Variants in DLGAP2 observed in about 807,000 individuals in gnomAD.
DLGAP2 encodes DLG associated protein 2, also known as disks large-associated protein 2.
DLGAP2 carries 26 observed loss-of-function variants against 100.3 expected under a neutral mutation model. The ratio of observed to expected loss-of-function variants is 0.26; its 90% CI spans 0.19 to 0.36. The LOEUF (loss-of-function observed/expected upper bound fraction) is 0.36, where lower values mean the gene tolerates loss of function less well. Ranked by LOEUF, DLGAP2 falls within the 10% of genes least tolerant of loss-of-function variation. The probability of loss-of-function intolerance (pLI) is 1.00; values close to 1 mark genes in which losing one functional copy is unlikely to be tolerated. For missense variants in DLGAP2, 1,858 were observed against 1,453.2 expected (o/e 1.28, Z -4.53); for synonymous variants, 886 against 630.1 (o/e 1.41, Z -6.08).
At chr8:1,058,964 T>G (rs1356116809) in intron 2 of DLGAP2, among the ~76,000 whole-genome samples, 1 of 152,176 alleles carries the variant, frequency 6.6e-6, no homozygotes, top group African/African-American at 2.4e-5. Context: ...CAGCAAACCT[T>G]TATTTAGCAT....
At chr8:1,313,774 T>C (rs1427174507) in intron 3 of DLGAP2, among the ~76,000 whole-genome samples, 1 of 152,100 alleles carries the variant, frequency 6.6e-6, no homozygotes, top group Non-Finnish European at 1.5e-5. Context: ...GGCTGAATTA[T>C]GTCTGGGGAG....
At chr8:765,371 CTGTTATGCGG>C (rs1821184339) in intron 1 of DLGAP2, among the ~76,000 whole-genome samples, 1 of 151,980 alleles carries the variant, frequency 6.6e-6, no homozygotes, top group South Asian at 2.1e-4. Flanking sequence ...ATCCTTAAAC[CTGTTATGCGG>C]TGGATAGAAA....
chr8:1,501,011 GA>G (rs1482582083), intron 3 of DLGAP2, among the ~76,000 whole-genome samples: 2 of 152,158 alleles, frequency 1.3e-5, no homozygotes, highest in African/African-American at 4.8e-5. Flanking sequence ...AGGAACCGGG[GA>G]AAATTAGAGT....
At chr8:1,025,621 C>T (rs796261611) in intron 2 of DLGAP2, among the ~76,000 whole-genome samples, 5 of 152,250 alleles carry the variant, frequency 3.3e-5, no homozygotes, top group African/African-American at 1.2e-4. Flanking sequence ...GCCTGGAGAA[C>T]CTTCCACATT....
At chr8:1,330,374 G>A (rs1166686762) in intron 3 of DLGAP2, among the ~76,000 whole-genome samples, 1 of 150,392 alleles carries the variant, frequency 6.6e-6, no homozygotes, top group Non-Finnish European at 1.5e-5. Context: ...CTGAGTTCTG[G>A]GTGGGAGCAC....
chr8:1,163,573 A>G (rs1045336698), intron 2 of DLGAP2, among the ~76,000 whole-genome samples: 13 of 152,358 alleles, frequency 8.5e-5, no homozygotes, highest in African/African-American at 3.1e-4. Context: ...TTTGGGGCAG[A>G]GAGCTGCGTG....
At chr8:1,486,760 C>G (rs1054904949) in intron 3 of DLGAP2, among the ~76,000 whole-genome samples, 3 of 152,348 alleles carry the variant, frequency 2.0e-5, no homozygotes, top group Admixed American at 6.5e-5. Flanking sequence ...GGCAAATATA[C>G]TGCCAGTGGA....
intron 1 of DLGAP2, among the ~76,000 whole-genome samples, chr8:755,490 A>T (rs1431538991): frequency 6.6e-6 from 1 of 152,218 alleles, no homozygotes; most frequent in East Asian, 1.9e-4. Flanking sequence ...AAGCAAGTGA[A>T]TTGCTAAACA....
chr8:1,224,312 A>G (rs1585166785), intron 2 of DLGAP2, among the ~76,000 whole-genome samples: 1 of 152,238 alleles, frequency 6.6e-6, no homozygotes, highest in Non-Finnish European at 1.5e-5. Context: ...TGACATGCGT[A>G]TTTGTAACTA....
At chr8:847,936 G>A (rs543596238) in intron 1 of DLGAP2, among the ~76,000 whole-genome samples, 24 of 152,132 alleles carry the variant, frequency 1.6e-4, no homozygotes, top group African/African-American at 5.1e-4. Flanking sequence ...GCTTGCTTGC[G>A]TGTTTGTTTA....
chr8:1,165,635 T>TA (rs1416789840), intron 2 of DLGAP2, among the ~76,000 whole-genome samples: 2 of 152,250 alleles, frequency 1.3e-5, no homozygotes, highest in African/African-American at 4.8e-5. Context: ...GTGTGACTGT[T>TA]ACATGATTTT....
At chr8:1,051,897 G>T (rs189602041) in intron 2 of DLGAP2, among the ~76,000 whole-genome samples, 1 of 152,148 alleles carries the variant, frequency 6.6e-6, no homozygotes, top group African/African-American at 2.4e-5. Flanking sequence ...ATTTCAACAT[G>T]CCATGGATTC....
chr8:1,421,704 G>C (rs1486012386), intron 3 of DLGAP2, among the ~76,000 whole-genome samples: 1 of 152,168 alleles, frequency 6.6e-6, no homozygotes, highest in Non-Finnish European at 1.5e-5. Context: ...AGTGGCTCAC[G>C]CCTGTAATCC....
At chr8:1,204,904 C>A (rs1269599741) in intron 2 of DLGAP2, among the ~76,000 whole-genome samples, 1 of 152,182 alleles carries the variant, frequency 6.6e-6, no homozygotes, top group Non-Finnish European at 1.5e-5. Flanking sequence ...CCAGAGCTGA[C>A]CAGGGCTGTT....
rs773931715 is a variant in DLGAP2 at position 1,707,397 on chromosome 8, G to T, written c.*5991G>T. 6.6e-6 allele frequency: 1 copy of T among 152,170 alleles called. No homozygotes were observed. Among genetic ancestry groups the T allele is most frequent in the East Asian group, 1.9e-4 (1 of 5,180 alleles). The allele number at this position is 152,170 out of a possible 1,614,324, so 9.4% of individuals were successfully genotyped here. On this transcript the variant is annotated 3_prime_UTR_variant, in exon 15 of 15. Transcript: ENST00000637795. ...GTGGTACCTTATGGAAGCCACTCAC[G>T]CATTCTCTGATTTACCCCCAAAACA...
intron 3 of DLGAP2, among the ~76,000 whole-genome samples, chr8:1,273,547 G>A (rs142797314): frequency 0.024 from 3,670 of 152,280 alleles, 163 homozygotes; most frequent in African/African-American, 0.083. Flanking sequence ...CGGCAGGAAC[G>A]TCCTGCTCTG....
intron 1 of DLGAP2, among the ~76,000 whole-genome samples, chr8:884,169 C>T (rs187976485): frequency 1.3e-5 from 2 of 152,302 alleles, no homozygotes; most frequent in African/African-American, 4.8e-5. Flanking sequence ...AATGGGATTG[C>T]TGGGGCAAAT....
chr8:1,488,715 A>G (rs185945988), intron 3 of DLGAP2, among the ~76,000 whole-genome samples: 3 of 152,188 alleles, frequency 2.0e-5, no homozygotes, highest in Non-Finnish European at 4.4e-5. Context: ...AACATCTCCA[A>G]AGCTCCTCCT....
intron 3 of DLGAP2, among the ~76,000 whole-genome samples, chr8:1,334,697 C>T (rs1472783834): frequency 1.3e-5 from 2 of 152,146 alleles, no homozygotes; most frequent in Non-Finnish European, 2.9e-5. Flanking sequence ...AGGGTAAACA[C>T]CTCCACAGCA....
Sources: gnomAD v4.1 joint callset for allele counts (sites outside exome capture counted in the v4.1 genomes callset) on GRCh38, gnomAD v4.1.1 for gene constraint, MANE v1.5 for transcripts, NCBI Gene and HGNC (gene_info 2026-07-23, HGNC 2026-07-21) for gene names.